FNDC3B: variants seen among roughly 807,000 people sequenced by gnomAD.
FNDC3B encodes fibronectin type III domain containing 3B.
A neutral mutation model predicts 151.5 loss-of-function variants in FNDC3B; 12 were observed. The ratio of observed to expected loss-of-function variants is 0.08; its 90% CI spans 0.05 to 0.13. The LOEUF is 0.13. Among genes scored for constraint, FNDC3B ranks in the 10% least tolerant of loss-of-function variants. The pLI, the probability that FNDC3B is intolerant of heterozygous loss-of-function variation, is 1.00. For missense variants in FNDC3B, 1,214 were observed against 1,505.3 expected (o/e 0.81, Z 3.20); for synonymous variants, 528 against 549.0 (o/e 0.96, Z 0.54).
At chr3:172,332,103 T>TG (rs1212352212) in intron 13 of FNDC3B, among the ~76,000 whole-genome samples, 1 of 152,138 alleles carries the variant, frequency 6.6e-6, no homozygotes, top group Non-Finnish European at 1.5e-5. Flanking sequence ...CCCGAGTAGC[T>TG]GGGATTATAG....
chr3:172,105,083 T>C (rs557359378), intron 1 of FNDC3B, among the ~76,000 whole-genome samples: 1 of 152,256 alleles, frequency 6.6e-6, no homozygotes, highest in East Asian at 1.9e-4. Flanking sequence ...TACCTTGCTT[T>C]GCTCTCTCTC....
At chr3:172,377,417 T>A (rs1735209071) in intron 23 of FNDC3B, among the ~76,000 whole-genome samples, 2 of 152,244 alleles carry the variant, frequency 1.3e-5, no homozygotes, top group African/African-American at 4.8e-5. Context: ...CTATATTTTT[T>A]AAAAAGATGA....
At chr3:172,106,612 T>C (rs960495087) in intron 1 of FNDC3B, among the ~76,000 whole-genome samples, 3 of 152,374 alleles carry the variant, frequency 2.0e-5, no homozygotes, top group African/African-American at 7.2e-5. Context: ...GGACATTTTG[T>C]TGTTAATTTG....
intron 6 of FNDC3B, among the ~76,000 whole-genome samples, chr3:172,269,071 G>A (rs149658330): frequency 1.3e-3 from 197 of 152,256 alleles, no homozygotes; most frequent in Admixed American, 4.0e-3. Context: ...GAAATCTTAA[G>A]TGGAGAGAAT....
chr3:172,371,474 C>G (rs553238278), intron 23 of FNDC3B, among the ~76,000 whole-genome samples: 1 of 152,270 alleles, frequency 6.6e-6, no homozygotes, highest in South Asian at 2.1e-4. Flanking sequence ...GTGCTTATTG[C>G]CATCCGAGTG....
intron 3 of FNDC3B, among the ~76,000 whole-genome samples, chr3:172,135,010 C>T (rs1428691570): frequency 6.6e-6 from 1 of 150,952 alleles, no homozygotes; most frequent in Admixed American, 6.6e-5. Flanking sequence ...AAAAATCACA[C>T]TAGAAAAACT....
At chr3:172,133,965 G>A (rs1443396452) in intron 3 of FNDC3B, among the ~76,000 whole-genome samples, 1 of 152,160 alleles carries the variant, frequency 6.6e-6, no homozygotes, top group Non-Finnish European at 1.5e-5. Flanking sequence ...AGTAGGTCCA[G>A]CCCAGACTCA....
At chr3:172,078,523 G>A (rs939723204) in intron 1 of FNDC3B, among the ~76,000 whole-genome samples, 13 of 75,866 alleles carry the variant, frequency 1.7e-4, no homozygotes, top group African/African-American at 5.8e-4. Flanking sequence ...AGCCAGGCCT[G>A]TGACTGCAGA....
intron 6 of FNDC3B, among the ~76,000 whole-genome samples, chr3:172,254,530 G>A (rs2108780000): frequency 6.6e-6 from 1 of 152,284 alleles, no homozygotes; most frequent in South Asian, 2.1e-4. Flanking sequence ...CTGACACATA[G>A]TAGGTACTCA....
intron 3 of FNDC3B, among the ~76,000 whole-genome samples, chr3:172,156,123 A>AGACTCTTTG (rs1300929657): frequency 1.3e-4 from 20 of 152,216 alleles, no homozygotes; most frequent in Admixed American, 4.6e-4. Flanking sequence ...TAATTTCTGC[A>AGACTCTTTG]TTACAGATTT....
chr3:172,318,171 A>G lies in FNDC3B; in HGVS notation c.1254+7290A>G, dbSNP rs185433401. Among the ~76,000 whole-genome samples the G allele has an allele frequency of 7.2e-5, 11 of 152,368 alleles. No homozygotes were observed. In the East Asian group the frequency reaches 1.9e-3, roughly 27 times the overall value. On this transcript the variant is annotated intron_variant, in intron 11 of 25. Coordinates refer to ENST00000415807, the MANE Select transcript of FNDC3B (RefSeq NM_022763.4). The stretch of plus-strand genomic sequence containing the variant: ...ACACAGCTGTAAAACACAGTGGACT[A>G]AGAATGAAACAGATGCCACAGAAAT...
chr3:172,211,233 A>G lies in FNDC3B; in HGVS notation c.188-15638A>G, dbSNP rs144423869. On this transcript the variant is annotated intron_variant, in intron 3 of 25. Transcript: ENST00000415807. ...GCTGATTGGAATACTAAGGATTTCAATAACCTAGTGTAATTCAGGATGAAG... is the reference window on the plus strand; with the variant it reads ...GCTGATTGGAATACTAAGGATTTCAGTAACCTAGTGTAATTCAGGATGAAG... Among the ~76,000 whole-genome samples, 93 of 152,384 alleles carry G rather than the reference A, an allele frequency of 6.1e-4. 2 individuals are homozygous for G. The East Asian group carries it at 0.015, about 25-fold the overall frequency.
At chr3:172,163,980 A>C (rs1722897847) in intron 3 of FNDC3B, among the ~76,000 whole-genome samples, 1 of 152,172 alleles carries the variant, frequency 6.6e-6, no homozygotes, top group Non-Finnish European at 1.5e-5. Flanking sequence ...GTTTAAATTT[A>C]ATCTCGCTTG....
chr3:172,211,887 A>G (rs1186525125), intron 3 of FNDC3B, among the ~76,000 whole-genome samples: 2 of 152,240 alleles, frequency 1.3e-5, no homozygotes, highest in Non-Finnish European at 2.9e-5. Context: ...TCCCCAAGAG[A>G]ATTCCAATTC....
chr3:172,391,831 C>T (rs1185302717), intron 25 of FNDC3B, among the ~76,000 whole-genome samples: 3 of 152,212 alleles, frequency 2.0e-5, no homozygotes, highest in African/African-American at 7.2e-5. Context: ...AGTTGCAAAT[C>T]ATCCCCTTCA....
chr3:172,056,893 C>T (rs1716943651), intron 1 of FNDC3B, among the ~76,000 whole-genome samples: 1 of 152,150 alleles, frequency 6.6e-6, no homozygotes, highest in South Asian at 2.1e-4. Flanking sequence ...TCCTTAATGT[C>T]ATACTCGAGC....
intron 23 of FNDC3B, among the ~76,000 whole-genome samples, chr3:172,377,808 A>G (rs751630385): frequency 2.0e-5 from 3 of 152,238 alleles, no homozygotes; most frequent in Admixed American, 1.3e-4. Flanking sequence ...AAAAGTTAAA[A>G]TTAAAAGCAT....
chr3:172,217,980 G>A (rs1197291607), intron 3 of FNDC3B, among the ~76,000 whole-genome samples: 1 of 152,052 alleles, frequency 6.6e-6, no homozygotes, highest in Non-Finnish European at 1.5e-5. Context: ...TTGGTTCTTG[G>A]TAGTGATATA....
intron 6 of FNDC3B, among the ~76,000 whole-genome samples, chr3:172,270,612 C>G (rs908716352): frequency 1.3e-5 from 2 of 152,214 alleles, no homozygotes; most frequent in Admixed American, 6.5e-5. Flanking sequence ...CATCACGCTT[C>G]TCTACATATT....
Sources: gnomAD v4.1 joint callset for allele counts (sites outside exome capture counted in the v4.1 genomes callset) on GRCh38, gnomAD v4.1.1 for gene constraint, MANE v1.5 for transcripts, NCBI Gene and HGNC (gene_info 2026-07-23, HGNC 2026-07-21) for gene names.